The following ACACA variants were observed in gnomAD, a reference collection of about 807,000 sequenced individuals.
ACACA encodes acetyl-CoA carboxylase alpha.
In ACACA, 103 loss-of-function variants were observed where a neutral mutation model predicts 296.1. The observed-to-expected ratio is 0.35, with a 90% CI of 0.30 to 0.41. The LOEUF (loss-of-function observed/expected upper bound fraction) is 0.41. Ranked by LOEUF, ACACA falls within the 10% of genes least tolerant of loss-of-function variation. The probability of loss-of-function intolerance (pLI) is 1.00; values close to 1 mark genes in which losing one functional copy is unlikely to be tolerated. For missense variants in ACACA, 1,554 were observed against 2,989.7 expected (o/e 0.52, Z 11.20); for synonymous variants, 953 against 1,038.6 (o/e 0.92, Z 1.58).
chr17:37,258,491 T>C (rs1259660902), intron 12 of ACACA, 118 bp from the exon 13 acceptor site: 2 of 935,628 alleles, frequency 2.1e-6, no homozygotes, highest in Admixed American at 4.2e-5. Flanking sequence ...ACATTCTATT[T>C]TTATAACCTG....
At chr17:37,370,870 G>A (rs1421990690) in intron 1 of ACACA, among the ~76,000 whole-genome samples, 1 of 150,072 alleles carries the variant, frequency 6.7e-6, no homozygotes, top group Non-Finnish European at 1.5e-5. Context: ...TGTAATCCCA[G>A]CTGCTTGGAA....
At chr17:37,286,014 G>A (rs2082751702) in intron 3 of ACACA, among the ~76,000 whole-genome samples, 2 of 151,970 alleles carry the variant, frequency 1.3e-5, no homozygotes, top group African/African-American at 4.8e-5. Flanking sequence ...GCCTCAGCCT[G>A]CAGAGTAGCT....
At chr17:37,280,977 CT>C in intron 5 of ACACA, among the ~76,000 whole-genome samples, 1 of 151,990 alleles carries the variant, frequency 6.6e-6, no homozygotes, top group East Asian at 1.9e-4. Flanking sequence ...TCTGGTACAC[CT>C]TTCTCTCCCC....
chr17:37,338,113 A>AAAATG (rs1231810695), intron 2 of ACACA, among the ~76,000 whole-genome samples: 1 of 147,890 alleles, frequency 6.8e-6, no homozygotes, highest in African/African-American at 2.5e-5. Context: ...AAAATAAAAT[A>AAAATG]AAATAAAATA....
intron 48 of ACACA, among the ~76,000 whole-genome samples, chr17:37,124,212 T>A (rs535835149): frequency 6.6e-6 from 1 of 152,218 alleles, no homozygotes; most frequent in African/African-American, 2.4e-5. Context: ...CTTGTGAGTA[T>A]GTGTATACGT....
At chr17:37,177,210 C>T (rs2077150129) in intron 41 of ACACA, among the ~76,000 whole-genome samples, 1 of 150,560 alleles carries the variant, frequency 6.6e-6, no homozygotes, top group African/African-American at 2.4e-5. Context: ...CATATCTTTT[C>T]CACTAAGGTT....
At position 37,280,761 on chromosome 17, in the gene ACACA, A is replaced by ACC. The variant is rs1555627700; in HGVS notation, c.610+2504_610+2505dup. 2.9e-4 allele frequency among the ~76,000 whole-genome samples: 43 copies of ACC among 150,770 alleles called. 1 individual carries two copies. The highest frequency in any genetic ancestry group is 3.4e-4 in the African/African-American group (14 of 40,882). On this transcript the variant is annotated intron_variant, in intron 5 of 55. Transcript: ENST00000616317. ...CACACACACACACACACACACACAC[A>ACC]CCCCAAAAAACACATTCATTTAAAA...
chr17:37,274,690 C>T, intron 8 of ACACA: 1 of 985,206 alleles, frequency 1.0e-6, no homozygotes, highest in Non-Finnish European at 1.2e-6. Flanking sequence ...CTTTATGAGC[C>T]CTTGGAAATA....
At chr17:37,104,362 A>G (rs2073544735) in intron 52 of ACACA, among the ~76,000 whole-genome samples, 1 of 152,228 alleles carries the variant, frequency 6.6e-6, no homozygotes, top group African/African-American at 2.4e-5. Flanking sequence ...CACTATTGAG[A>G]TGTTACTGTG....
intron 8 of ACACA, 47 bp from the exon 9 acceptor site, chr17:37,274,346 C>G: frequency 6.6e-7 from 1 of 1,512,444 alleles, no homozygotes; most frequent in Non-Finnish European, 9.2e-7. Context: ...ATCTTCTGCT[C>G]TTGTCAATTT....
Position 37,205,861 on chromosome 17 carries a change from A to G in ACACA, c.3960T>C (p.Asp1320=), listed in dbSNP as rs1360377899. Residue 1320 remains aspartate (D), a synonymous_variant, in exon 33 of 56, where the codon GAT becomes GAC. Transcript: ENST00000616317. ...SLYDEDKVPR[D]EPIHILNVAI... ...CCACATTGAGAATGTGAATTGGTTC[A>G]TCCCTGGGAACCTGTAACTCAAGAA... The G allele has an allele frequency of 6.2e-7, 1 of 1,612,044 alleles. No individual in the cohort carries two copies. Among genetic ancestry groups the G allele is most frequent in the Non-Finnish European group, 8.5e-7 (1 of 1,179,186 alleles).
intron 5 of ACACA, among the ~76,000 whole-genome samples, chr17:37,281,454 C>A (rs1030214306): frequency 3.9e-5 from 6 of 152,150 alleles, no homozygotes; most frequent in Admixed American, 1.3e-4. Flanking sequence ...TAGCACTTAC[C>A]TCATTGTATT....
rs1021260962 is a variant in ACACA, at chr17:37,224,975, T to C, written c.3474+17A>G. 2.5e-6 allele frequency: 3 copies of C among 1,191,758 alleles called. No homozygotes were observed. Among genetic ancestry groups the C allele is most frequent in the Admixed American group, 1.9e-5 (1 of 52,380 alleles). The allele number at this position is 1,191,758 out of a possible 1,614,324, so 73.8% of individuals were successfully genotyped here. On this transcript the variant is annotated intron_variant, in intron 27 of 55. Coordinates refer to ENST00000616317, the MANE Select transcript of ACACA (RefSeq NM_198834.3). ...GATAGGCAGGAAAGGGTTATATATA[T>C]ATATATATATATATACCTGCAGGTT...
At chr17:37,324,634 C>T (rs1366647009) in intron 3 of ACACA, among the ~76,000 whole-genome samples, 2 of 148,186 alleles carry the variant, frequency 1.3e-5, no homozygotes, top group Non-Finnish European at 3.0e-5. Context: ...CATGCCACTG[C>T]ACTCCAGCCT....
chr17:37,286,908 T>C (rs1482388577), intron 3 of ACACA, among the ~76,000 whole-genome samples: 1 of 152,216 alleles, frequency 6.6e-6, no homozygotes, highest in African/African-American at 2.4e-5. Flanking sequence ...TGATAGCTAC[T>C]TCCTCTAGTT....
rs2084034933 is a variant in ACACA at position 37,309,504 on chromosome 17, G to A, written c.338+20669C>T. 2.0e-5 allele frequency among the ~76,000 whole-genome samples: 3 copies of A among 152,046 alleles called. 1 individual carries two copies. In the South Asian group the frequency reaches 6.2e-4, roughly 32 times the overall value. Reference sequence around the variant, plus strand: ...AATGCTATTGCAATGGGAAAAAAAGGAACACTGTAACAATAGAGCCTCTTT... The same window carrying A: ...AATGCTATTGCAATGGGAAAAAAAGAAACACTGTAACAATAGAGCCTCTTT... On this transcript the variant is annotated intron_variant, in intron 3 of 55. Coordinates refer to ENST00000616317, the MANE Select transcript of ACACA (RefSeq NM_198834.3).
At position 37,136,035 on chromosome 17, in the gene ACACA, C is replaced by T. The variant is rs1354820694; in HGVS notation, c.5680-5817G>A. On this transcript the variant is annotated intron_variant, in intron 45 of 55. Transcript: ENST00000616317. ...GTGCTGGGATTACAGACATGAGCCA[C>T]CATGCCCAGCCAATTTTTAAAAATT... Among the ~76,000 whole-genome samples, 3 of 146,226 alleles carry T rather than the reference C, an allele frequency of 2.1e-5. No homozygotes were observed. In the East Asian group the frequency reaches 5.8e-4, roughly 28 times the overall value.
chr17:37,260,008 A>G (rs933813076), intron 11 of ACACA, among the ~76,000 whole-genome samples: 4 of 150,768 alleles, frequency 2.7e-5, no homozygotes, highest in African/African-American at 2.4e-5. Context: ...CAGCCCCCCA[A>G]GTAGCTGAGA....
At chr17:37,389,415 G>A in intron 1 of ACACA, 1 of 1,543,332 alleles carries the variant, frequency 6.5e-7, no homozygotes, top group Non-Finnish European at 8.7e-7. Flanking sequence ...GTGGGGTAGG[G>A]GCCGGGCGTG....
Sources: allele counts gnomAD v4.1 joint callset (sites outside exome capture counted in the v4.1 genomes callset), GRCh38; gene constraint gnomAD v4.1.1; transcripts MANE v1.5; gene names NCBI Gene and HGNC (gene_info 2026-07-23, HGNC 2026-07-21).